The following CCSER1 variants were observed in gnomAD, a reference collection of about 807,000 sequenced individuals.
The protein encoded by CCSER1 is serine-rich coiled-coil domain-containing protein 1.
Under a neutral mutation model 82.0 loss-of-function variants are expected in CCSER1, and 41 were observed. The ratio of observed to expected loss-of-function variants is 0.50; its 90% CI spans 0.39 to 0.65. The LOEUF (loss-of-function observed/expected upper bound fraction) is 0.65, where lower values mean the gene tolerates loss of function less well. Among genes scored for constraint, CCSER1 ranks in the 30% least tolerant of loss-of-function variants. The pLI is 0.00. For missense variants in CCSER1, 1,119 were observed against 1,064.2 expected (o/e 1.05, Z -0.72); for synonymous variants, 414 against 383.9 (o/e 1.08, Z -0.92).
At chr4:91,416,954 A>G (rs1350584696) in intron 10 of CCSER1, among the ~76,000 whole-genome samples, 1 of 152,228 alleles carries the variant, frequency 6.6e-6, no homozygotes, top group East Asian at 1.9e-4. Context: ...CAATCTGTCC[A>G]TCTGACAAAG....
At chr4:90,257,920 G>T (rs1578793776) in intron 1 of CCSER1, among the ~76,000 whole-genome samples, 1 of 152,262 alleles carries the variant, frequency 6.6e-6, no homozygotes, top group East Asian at 1.9e-4. Context: ...TCAGGCTACT[G>T]ATTTCATATG....
At chr4:90,277,505 G>A (rs1728052184) in intron 1 of CCSER1, among the ~76,000 whole-genome samples, 1 of 152,044 alleles carries the variant, frequency 6.6e-6, no homozygotes. Context: ...ACAAAATAGA[G>A]AAGGCAGAAA....
intron 6 of CCSER1, among the ~76,000 whole-genome samples, chr4:90,693,108 C>G (rs961940379): frequency 2.6e-5 from 4 of 151,918 alleles, no homozygotes; most frequent in East Asian, 1.9e-4. Context: ...CTAAATCTTA[C>G]TCTATTCAGA....
At chr4:90,217,317 C>A (rs986586998) in intron 1 of CCSER1, among the ~76,000 whole-genome samples, 14 of 152,128 alleles carry the variant, frequency 9.2e-5, no homozygotes, top group Non-Finnish European at 1.3e-4. Flanking sequence ...TTGCCTCAGC[C>A]TCCTGAGTAG....
chr4:90,726,117 A>C (rs923045531), intron 7 of CCSER1, among the ~76,000 whole-genome samples: 2 of 151,974 alleles, frequency 1.3e-5, no homozygotes, highest in African/African-American at 4.8e-5. Context: ...TCTTCTGGGA[A>C]GTAATTAGAT....
chr4:91,577,140 T>G (rs1408515394), intron 10 of CCSER1, among the ~76,000 whole-genome samples: 1 of 152,002 alleles, frequency 6.6e-6, no homozygotes, highest in Non-Finnish European at 1.5e-5. Context: ...AACCTGATAT[T>G]AACACAGGCC....
rs540859662 is a variant in CCSER1, at chr4:91,242,263, G to A, written c.2217+156269G>A. Among the ~76,000 whole-genome samples the A allele has an allele frequency of 2.0e-5, 3 of 152,280 alleles. No homozygotes were observed. In the East Asian group the frequency reaches 5.8e-4, roughly 29 times the overall value. On this transcript the variant is annotated intron_variant, in intron 10 of 10. Transcript: ENST00000509176. The stretch of plus-strand genomic sequence containing the variant: ...GTGATTGGAAGGGAGTAATGAACAA[G>A]GCAGAGAATACCAGGAAATAGACAT...
intron 10 of CCSER1, among the ~76,000 whole-genome samples, chr4:91,443,578 A>T (rs1755350235): frequency 6.6e-6 from 1 of 151,166 alleles, no homozygotes; most frequent in Non-Finnish European, 1.5e-5. Context: ...TGGGTGCAGC[A>T]CACCAGCATG....
chr4:91,552,332 A>G (rs943631800), intron 10 of CCSER1, among the ~76,000 whole-genome samples: 2 of 151,802 alleles, frequency 1.3e-5, no homozygotes, highest in South Asian at 2.1e-4. Flanking sequence ...CCAAACATAA[A>G]TTACTTTCCA....
At chr4:90,402,912 A>C (rs1195900390) in intron 4 of CCSER1, among the ~76,000 whole-genome samples, 1 of 152,218 alleles carries the variant, frequency 6.6e-6, no homozygotes, top group East Asian at 1.9e-4. Flanking sequence ...GTTAAAGCTC[A>C]AACCAGGGTA....
In CCSER1 at chr4:90,348,293, G is replaced by C. The variant is rs112923663; in HGVS notation, c.1509+35246G>C. On this transcript the variant is annotated intron_variant, in intron 3 of 10. Coordinates refer to ENST00000509176, the MANE Select transcript of CCSER1 (RefSeq NM_001145065.2). ...TAAAAGTTAAAAAAAAGGTATCAAT[G>C]TTATTCTAAAATGAAAGTTTTTCTA... is the stretch of plus-strand genomic sequence containing the variant. Among the ~76,000 whole-genome samples, 300 of 152,148 alleles carry C rather than the reference G, an allele frequency of 2.0e-3. 1 individual carries two copies. Among genetic ancestry groups the C allele is most frequent in the African/African-American group, 6.3e-3 (261 of 41,526 alleles).
chr4:90,629,191 G>C (rs1723887661), intron 6 of CCSER1, among the ~76,000 whole-genome samples: 1 of 152,078 alleles, frequency 6.6e-6, no homozygotes, highest in Admixed American at 6.6e-5. Flanking sequence ...GGCTAGAATT[G>C]AATCAGGAAG....
intron 8 of CCSER1, among the ~76,000 whole-genome samples, chr4:90,834,473 A>G (rs1261879756): frequency 1.3e-5 from 2 of 152,206 alleles, no homozygotes; most frequent in Non-Finnish European, 2.9e-5. Flanking sequence ...TACAGTGCAG[A>G]GAGAAAAAAA....
At position 91,400,012 on chromosome 4, in the gene CCSER1, C is replaced by T. The variant is rs913681955; in HGVS notation, c.2218-198560C>T. Among the ~76,000 whole-genome samples the T allele has an allele frequency of 8.5e-5, 13 of 152,066 alleles. No individual in the cohort carries two copies. In the East Asian group the frequency reaches 2.5e-3, roughly 29 times the overall value. ...CTCAGTCTGATTCTAATTGATGTGA[C>T]TTGAGCACAACAAATTATTGCCTTG... On this transcript the variant is annotated intron_variant, in intron 10 of 10. Transcript: ENST00000509176.
intron 10 of CCSER1, among the ~76,000 whole-genome samples, chr4:91,456,610 A>T (rs1756190755): frequency 2.0e-5 from 3 of 152,064 alleles, no homozygotes; most frequent in Admixed American, 1.3e-4. Context: ...ATAGAATTTT[A>T]AAAAATCCTA....
intron 7 of CCSER1, among the ~76,000 whole-genome samples, chr4:90,737,329 G>T (rs1473277278): frequency 6.6e-6 from 1 of 152,054 alleles, no homozygotes; most frequent in Non-Finnish European, 1.5e-5. Flanking sequence ...CTCGTCTTTT[G>T]TTTGACTGAG....
rs1366859059 is a variant in CCSER1 at position 90,460,335 on chromosome 4, A to ACAAACAAAC, written c.1604-7899_1604-7898insCAAACAAAC. On this transcript the variant is annotated intron_variant, in intron 4 of 10. Coordinates refer to ENST00000509176, the MANE Select transcript of CCSER1 (RefSeq NM_001145065.2). ...GCGAAACTCCGTCTCAAAAAAAAAA[A>ACAAACAAAC]AAAAAAAAAACTAAGGCAAGAAAAA... 5.0e-4 allele frequency among the ~76,000 whole-genome samples: 71 copies of ACAAACAAAC among 141,624 alleles called. 10 individuals carry two copies. Among genetic ancestry groups the ACAAACAAAC allele is most frequent in the African/African-American group, 1.8e-3 (61 of 32,992 alleles). The allele number at this position is 141,624 out of a possible 152,430, so 92.9% of individuals were successfully genotyped here. A position where few individuals can be genotyped will look rare whatever the true frequency, so the allele number is the denominator to read the frequency against.
At chr4:90,293,870 G>A (rs376137360) in intron 1 of CCSER1, among the ~76,000 whole-genome samples, 15 of 151,788 alleles carry the variant, frequency 9.9e-5, no homozygotes, top group African/African-American at 3.1e-4. Flanking sequence ...ATGAGAAAAA[G>A]TCATAATGCT....
chr4:90,254,560 C>T (rs977618519), intron 1 of CCSER1, among the ~76,000 whole-genome samples: 5 of 152,082 alleles, frequency 3.3e-5, no homozygotes, highest in Non-Finnish European at 7.4e-5. Flanking sequence ...TTCTTGCCTG[C>T]AGTGGAGCTT....
Sources: gnomAD v4.1 joint callset for allele counts (sites outside exome capture counted in the v4.1 genomes callset) on GRCh38, gnomAD v4.1.1 for gene constraint, MANE v1.5 for transcripts, NCBI Gene and HGNC (gene_info 2026-07-23, HGNC 2026-07-21) for gene names.